The following FAM91A1 variants were observed in gnomAD, a reference collection of about 807,000 sequenced individuals.
The protein encoded by FAM91A1 is protein FAM91A1.
In FAM91A1, 41 loss-of-function variants were observed where a neutral mutation model predicts 113.5. The observed-to-expected ratio is 0.36, with a 90% CI of 0.28 to 0.47. The LOEUF (loss-of-function observed/expected upper bound fraction) is 0.47. Ranked by LOEUF, FAM91A1 falls within the 20% of genes least tolerant of loss-of-function variation. The pLI, the probability that FAM91A1 is intolerant of heterozygous loss-of-function variation, is 1.00. For missense variants in FAM91A1, 696 were observed against 1,001.2 expected, an observed-to-expected ratio of 0.70 and a Z score of 4.11; for synonymous variants, 307 against 347.9, an observed-to-expected ratio of 0.88 and a Z score of 1.31.
At position 123,813,459 on chromosome 8, in the gene FAM91A1, TC is replaced by T. The variant is rs1345234770; in HGVS notation, c.*757del. On this transcript the variant is annotated 3_prime_UTR_variant, in exon 24 of 24. Coordinates refer to ENST00000334705, the MANE Select transcript of FAM91A1 (RefSeq NM_144963.4). ...TTTATGGAAAAAATAGAATTTATTTTCCACTCTTGTAGCTATAGCTGCTGCA... is the reference window on the plus strand; with the variant it reads ...TTTATGGAAAAAATAGAATTTATTTTCACTCTTGTAGCTATAGCTGCTGCA... The T allele has an allele frequency of 6.6e-6, 1 of 152,616 alleles. No individual in the cohort carries two copies. Among genetic ancestry groups the T allele is most frequent in the Non-Finnish European group, 1.5e-5 (1 of 68,008 alleles). 9.5% of individuals were successfully genotyped at this position (152,616 alleles called of 1,614,324 possible).
rs1360814028 is a variant in FAM91A1 at position 123,798,233 on chromosome 8, C to T, written c.1555C>T (p.Pro519Ser). ...AATCCGGCCTGTCAGCAGCTGCACCCCTCAGGTAAAGACCTACTTGGAAGA... is the reference window on the plus strand; with the variant it reads ...AATCCGGCCTGTCAGCAGCTGCACCTCTCAGGTAAAGACCTACTTGGAAGA... ...NEIRPVSSCTPQHIGPAIPEV... is the reference protein window; with the variant it reads ...NEIRPVSSCTSQHIGPAIPEV... The change falls in exon 16 of 24, where the codon CCT becomes TCT. Residue 519 changes from proline (P) to serine (S), a missense_variant. Coordinates refer to ENST00000334705, the MANE Select transcript of FAM91A1 (RefSeq NM_144963.4). 6.2e-7 allele frequency: 1 copy of T among 1,613,702 alleles called. No homozygotes were observed. The highest frequency in any genetic ancestry group is 1.1e-5 in the South Asian group (1 of 91,032).
Position 123,802,215 on chromosome 8 carries a change from A to G in FAM91A1, c.1809+2330A>G, listed in dbSNP as rs928519108. 2.6e-5 allele frequency among the ~76,000 whole-genome samples: 4 copies of G among 152,294 alleles called. No individual in the cohort carries two copies. The East Asian group carries it at 7.7e-4, about 29-fold the overall frequency. On this transcript the variant is annotated intron_variant, in intron 18 of 23. Transcript: ENST00000334705. The stretch of plus-strand genomic sequence containing the variant: ...AAGACCAGTTAGGACTGTGTGTAGT[A>G]GTTTAGATAAGAGATAAAGATAGCC...
At chr8:123,772,214 C>G (rs556701984) in intron 1 of FAM91A1, among the ~76,000 whole-genome samples, 1 of 152,294 alleles carries the variant, frequency 6.6e-6, no homozygotes, top group Non-Finnish European at 1.5e-5. Flanking sequence ...TTACTTAATG[C>G]TGAGAGCCAA....
chr8:123,799,457 C>A, intron 16 of FAM91A1, 63 bp from the exon 17 acceptor site: 2 of 1,482,784 alleles, frequency 1.3e-6, no homozygotes, highest in Non-Finnish European at 1.8e-6. Context: ...GTTTATAAGA[C>A]TGTTCTCGGT....
intron 15 of FAM91A1, among the ~76,000 whole-genome samples, chr8:123,790,121 A>G (rs929735507): frequency 1.3e-5 from 2 of 152,240 alleles, no homozygotes; most frequent in African/African-American, 4.8e-5. Context: ...CATCATAATG[A>G]AAAGAATAAA....
At chr8:123,804,030 A>G (rs1815746429) in intron 18 of FAM91A1, among the ~76,000 whole-genome samples, 1 of 152,238 alleles carries the variant, frequency 6.6e-6, no homozygotes, top group Non-Finnish European at 1.5e-5. Context: ...AAATATAAGC[A>G]AAGCTTTAAA....
intron 3 of FAM91A1, among the ~76,000 whole-genome samples, chr8:123,776,764 A>G (rs1389521866): frequency 6.6e-6 from 1 of 152,172 alleles, no homozygotes; most frequent in Non-Finnish European, 1.5e-5. Flanking sequence ...TGGGTTTGTT[A>G]TTGGAGAAAC....
chr8:123,791,173 A>G (rs766746547), intron 15 of FAM91A1, among the ~76,000 whole-genome samples: 4 of 152,130 alleles, frequency 2.6e-5, no homozygotes, highest in Non-Finnish European at 5.9e-5. Flanking sequence ...AACTCCTATT[A>G]TAGATAAAGA....
intron 11 of FAM91A1, 30 bp downstream of exon 11, chr8:123,785,771 TAG>T: frequency 7.8e-7 from 1 of 1,284,952 alleles, no homozygotes; most frequent in East Asian, 2.5e-5. Flanking sequence ...TATGAGCTAT[TAG>T]AGTTTCCTTT....
chr8:123,787,181 T>C, intron 12 of FAM91A1, 80 bp from the exon 13 acceptor site: 1 of 1,082,664 alleles, frequency 9.2e-7, no homozygotes, highest in Non-Finnish European at 1.4e-6. Context: ...CAAATAAAGC[T>C]GAAATGAAAT....
At chr8:123,790,072 T>C (rs984748177) in intron 15 of FAM91A1, among the ~76,000 whole-genome samples, 3 of 152,206 alleles carry the variant, frequency 2.0e-5, no homozygotes, top group African/African-American at 7.2e-5. Context: ...AAAATTTTAG[T>C]TAATGTAGGA....
chr8:123,792,263 A>G (rs1815402776), intron 15 of FAM91A1, among the ~76,000 whole-genome samples: 1 of 152,216 alleles, frequency 6.6e-6, no homozygotes, highest in Non-Finnish European at 1.5e-5. Context: ...CTAATAATTT[A>G]TACTTTGAGT....
intron 15 of FAM91A1, among the ~76,000 whole-genome samples, chr8:123,794,340 T>G (rs1815455760): frequency 6.6e-6 from 1 of 152,236 alleles, no homozygotes; most frequent in South Asian, 2.1e-4. Flanking sequence ...CTAGTCTATT[T>G]TATCATTTAT....
chr8:123,778,604 A>G lies in FAM91A1; in HGVS notation c.436-55A>G, dbSNP rs1305258258. 6 of 1,200,052 alleles carry G rather than the reference A, an allele frequency of 5.0e-6. No individual in the cohort carries two copies. The Admixed American group carries it at 8.7e-5, about 17-fold the overall frequency. The allele number at this position is 1,200,052 out of a possible 1,614,324, so 74.3% of individuals were successfully genotyped here. On this transcript the variant is annotated intron_variant, in intron 5 of 23. Coordinates refer to ENST00000334705, the MANE Select transcript of FAM91A1 (RefSeq NM_144963.4). The stretch of plus-strand genomic sequence containing the variant: ...AACAATCTTATGATATGATTGATGA[A>G]AGAAGAAAGTGGTAGTTTTAGATTG...
Position 123,801,099 on chromosome 8 carries a change from G to T in FAM91A1, c.1809+1214G>T, listed in dbSNP as rs181071246. ...TCCATGTTTAAGCATTTAAGGAACTGCCAGACTGTCTTGCAAAGTGGCTGC... is the reference window on the plus strand; with the variant it reads ...TCCATGTTTAAGCATTTAAGGAACTTCCAGACTGTCTTGCAAAGTGGCTGC... On this transcript the variant is annotated intron_variant, in intron 18 of 23. Coordinates refer to ENST00000334705, the MANE Select transcript of FAM91A1 (RefSeq NM_144963.4). Among the ~76,000 whole-genome samples, 323 of 152,318 alleles carry T rather than the reference G, an allele frequency of 2.1e-3. 2 individuals are homozygous for T. The highest frequency in any genetic ancestry group is 7.5e-3 in the African/African-American group (312 of 41,588).
rs747163716 is a variant in FAM91A1, at chr8:123,810,366, A to G, written c.2331+15A>G. The G allele has an allele frequency of 9.9e-6, 16 of 1,612,362 alleles. 1 individual carries two copies. The Middle Eastern group carries it at 4.9e-4, about 50-fold the overall frequency. On this transcript the variant is annotated intron_variant, in intron 23 of 23. Coordinates refer to ENST00000334705, the MANE Select transcript of FAM91A1 (RefSeq NM_144963.4). ...ACTCATTCCAGGTAACAAAAACCAA[A>G]AAGTCCAAATGGTACTTGTACTGAG...
At chr8:123,800,498 T>C (rs1286671727) in intron 18 of FAM91A1, among the ~76,000 whole-genome samples, 2 of 152,154 alleles carry the variant, frequency 1.3e-5, no homozygotes, top group Non-Finnish European at 2.9e-5. Flanking sequence ...AAGGGGACTA[T>C]TGTATTGAGT....
rs1195408010 is a variant in FAM91A1, at chr8:123,787,659, T to A, written c.1192-5T>A. The A allele has an allele frequency of 6.2e-7, 1 of 1,608,476 alleles. No individual in the cohort carries two copies. Among genetic ancestry groups the A allele is most frequent in the Non-Finnish European group, 8.5e-7 (1 of 1,178,004 alleles). Reference sequence around the variant, plus strand: ...GAACTTTAATATTTTGTTTCTTTTTTTCAGAACTTGAAAAGTCATGCAGTC... The same window carrying A: ...GAACTTTAATATTTTGTTTCTTTTTATCAGAACTTGAAAAGTCATGCAGTC... On this transcript the variant is annotated splice_polypyrimidine_tract_variant and splice_region_variant and intron_variant, in intron 13 of 23. Transcript: ENST00000334705.
chr8:123,775,384 C>T, intron 3 of FAM91A1, 86 bp downstream of exon 3: 1 of 1,495,748 alleles, frequency 6.7e-7, no homozygotes, highest in African/African-American at 1.4e-5. Flanking sequence ...AGCTCTTCAG[C>T]TGTCGTCTGC....
Sources: allele counts gnomAD v4.1 joint callset (sites outside exome capture counted in the v4.1 genomes callset), GRCh38; gene constraint gnomAD v4.1.1; transcripts MANE v1.5; gene names NCBI Gene and HGNC (gene_info 2026-07-23, HGNC 2026-07-21).